ADCY2: variants seen among roughly 807,000 people sequenced by gnomAD.
ADCY2 encodes the protein adenylate cyclase 2, also known as adenylate cyclase type 2.
ADCY2 carries 31 observed loss-of-function variants against 125.2 expected under a neutral mutation model. That is an observed-to-expected ratio of 0.25 (90% CI 0.19 to 0.33). The LOEUF is 0.33. Among genes scored for constraint, ADCY2 ranks in the 10% least tolerant of loss-of-function variants. The pLI is 1.00. For missense variants in ADCY2, 904 were observed against 1,418.2 expected, an observed-to-expected ratio of 0.64 and a Z score of 5.82; for synonymous variants, 512 against 548.4, an observed-to-expected ratio of 0.93 and a Z score of 0.93.
At chr5:7,685,262 T>C (rs1740480986) in intron 4 of ADCY2, 1 of 152,266 alleles carries the variant, frequency 6.6e-6, no homozygotes, top group Non-Finnish European at 1.5e-5. Context: ...GATGTAGTCA[T>C]CTCTAGGACG....
chr5:7,634,288 A>AGG (rs1738420558), intron 4 of ADCY2, among the ~76,000 whole-genome samples: 1 of 152,244 alleles, frequency 6.6e-6, no homozygotes, highest in South Asian at 2.1e-4. Context: ...TTATATCTGT[A>AGG]ACAAATTGAA....
intron 3 of ADCY2, among the ~76,000 whole-genome samples, chr5:7,551,438 G>C (rs369021938): frequency 2.0e-5 from 3 of 152,112 alleles, no homozygotes; most frequent in Non-Finnish European, 4.4e-5. Flanking sequence ...GCAGGGAAGC[G>C]TCAAGATCAG....
intron 3 of ADCY2, among the ~76,000 whole-genome samples, chr5:7,582,362 C>T (rs928507119): frequency 6.6e-6 from 1 of 151,888 alleles, no homozygotes; most frequent in Non-Finnish European, 1.5e-5. Context: ...AAAATAACAC[C>T]AATCTTACAC....
intron 16 of ADCY2, among the ~76,000 whole-genome samples, chr5:7,761,133 C>CTTTTT (rs1560959293): frequency 9.6e-5 from 7 of 72,998 alleles, no homozygotes; most frequent in African/African-American, 3.8e-4. Flanking sequence ...ATCAAAATTT[C>CTTTTT]TTTTCTTTTC....
intron 2 of ADCY2, among the ~76,000 whole-genome samples, chr5:7,478,400 CGT>C (rs1443554478): frequency 6.6e-6 from 1 of 152,192 alleles, no homozygotes; most frequent in African/African-American, 2.4e-5. Context: ...ATTAATTTCT[CGT>C]ATGTGTACTT....
At chr5:7,473,189 T>C (rs1348064518) in intron 2 of ADCY2, among the ~76,000 whole-genome samples, 1 of 152,158 alleles carries the variant, frequency 6.6e-6, no homozygotes, top group African/African-American at 2.4e-5. Context: ...TCTAAAGGAA[T>C]ACCTGAGGCT....
chr5:7,789,816 CT>C lies in ADCY2; in HGVS notation c.2628+17del. 7.2e-6 allele frequency: 2 copies of C among 277,326 alleles called. No individual in the cohort carries two copies. Among genetic ancestry groups the C allele is most frequent in the Non-Finnish European group, 6.7e-6 (1 of 148,374 alleles). The allele number at this position is 277,326 out of a possible 1,614,324, so 17.2% of individuals were successfully genotyped here. A position where few individuals can be genotyped will look rare whatever the true frequency, so the allele number is the denominator to read the frequency against. ...GAAGAATGAGGTCAGACCAGGGGGG[CT>C]GGGGGCTGGGGGAGGGGGCTGGATG... On this transcript the variant is annotated intron_variant, in intron 20 of 24. Coordinates refer to ENST00000338316, the MANE Select transcript of ADCY2 (RefSeq NM_020546.3).
chr5:7,745,433 A>G (rs1483811550), intron 15 of ADCY2, among the ~76,000 whole-genome samples: 1 of 152,206 alleles, frequency 6.6e-6, no homozygotes, highest in Non-Finnish European at 1.5e-5. Flanking sequence ...ACCCAAATGC[A>G]CACATAGCAT....
At chr5:7,450,193 A>T (rs565708774) in intron 2 of ADCY2, among the ~76,000 whole-genome samples, 1 of 152,352 alleles carries the variant, frequency 6.6e-6, no homozygotes, top group Admixed American at 6.5e-5. Context: ...GTCTTAAGTC[A>T]TGATAGGCCA....
chr5:7,508,977 A>G (rs1163510396), intron 2 of ADCY2, among the ~76,000 whole-genome samples: 1 of 152,234 alleles, frequency 6.6e-6, no homozygotes, highest in African/African-American at 2.4e-5. Context: ...ACATTCAGTC[A>G]TAAGACAGTC....
At chr5:7,559,025 T>C (rs546828755) in intron 3 of ADCY2, among the ~76,000 whole-genome samples, 1 of 152,182 alleles carries the variant, frequency 6.6e-6, no homozygotes, top group East Asian at 1.9e-4. Flanking sequence ...TTCTGTTCCA[T>C]TGGTCTGTGT....
At position 7,708,788 on chromosome 5, in the gene ADCY2, C is replaced by A. The variant is rs145223027; in HGVS notation, c.1402-423C>A. ...CTGGGAGATGATGGACGGGGGAAGG[C>A]TCAAAAAATACATGTACAAAGAACA... On this transcript the variant is annotated intron_variant, in intron 9 of 24. Coordinates refer to ENST00000338316, the MANE Select transcript of ADCY2 (RefSeq NM_020546.3). 3.2e-4 allele frequency among the ~76,000 whole-genome samples: 49 copies of A among 151,986 alleles called. 1 individual carries two copies. The East Asian group carries it at 9.3e-3, about 29-fold the overall frequency.
chr5:7,426,827 T>C (rs935627059), intron 2 of ADCY2, among the ~76,000 whole-genome samples: 1 of 152,126 alleles, frequency 6.6e-6, no homozygotes, highest in Non-Finnish European at 1.5e-5. Context: ...TTTTGCCATC[T>C]CTAAAGAGTG....
chr5:7,481,460 G>C (rs1480478873), intron 2 of ADCY2, among the ~76,000 whole-genome samples: 2 of 151,552 alleles, frequency 1.3e-5, no homozygotes, highest in African/African-American at 4.9e-5. Flanking sequence ...GTAGAGACGG[G>C]GTTTCACTGT....
intron 3 of ADCY2, among the ~76,000 whole-genome samples, chr5:7,531,736 A>G (rs1348207669): frequency 6.6e-6 from 1 of 152,190 alleles, no homozygotes; most frequent in African/African-American, 2.4e-5. Context: ...TAAGGACATG[A>G]TTCATTGTAT....
At chr5:7,585,304 G>C (rs1395460907) in intron 3 of ADCY2, among the ~76,000 whole-genome samples, 1 of 152,070 alleles carries the variant, frequency 6.6e-6, no homozygotes, top group Admixed American at 6.5e-5. Context: ...CCTCTATGTT[G>C]TTTTGTGTAT....
rs543918939 is a variant in ADCY2 at position 7,421,571 on chromosome 5, C to G, written c.408+6801C>G. Among the ~76,000 whole-genome samples, 4 of 152,336 alleles carry G rather than the reference C, an allele frequency of 2.6e-5. No homozygotes were observed. The South Asian group carries it at 6.2e-4, about 24-fold the overall frequency. ...AAGACCCTGTTTCCAAATAAGGTTA[C>G]AGTCACAAGTACTGGGGTTTAGGAC... On this transcript the variant is annotated intron_variant, in intron 2 of 24. Transcript: ENST00000338316.
chr5:7,603,516 A>G (rs1269785347), intron 3 of ADCY2, among the ~76,000 whole-genome samples: 1 of 152,254 alleles, frequency 6.6e-6, no homozygotes, highest in African/African-American at 2.4e-5. Flanking sequence ...CCCTTGAAAT[A>G]TATAGGTGAA....
intron 4 of ADCY2, among the ~76,000 whole-genome samples, chr5:7,673,281 TATATAA>T (rs1196933162): frequency 2.4e-5 from 2 of 82,704 alleles, no homozygotes; most frequent in Non-Finnish European, 4.6e-5. Flanking sequence ...TATATATATA[TATATAA>T]AATTAGCCAG....
Sources: allele counts gnomAD v4.1 joint callset (sites outside exome capture counted in the v4.1 genomes callset), GRCh38; gene constraint gnomAD v4.1.1; transcripts MANE v1.5; gene names NCBI Gene and HGNC (gene_info 2026-07-23, HGNC 2026-07-21).